WWOX: variants seen among roughly 807,000 people sequenced by gnomAD.
WWOX encodes WW domain-containing oxidoreductase.
A neutral mutation model predicts 46.2 loss-of-function variants in WWOX; 69 were observed. The ratio of observed to expected loss-of-function variants is 1.49; its 90% CI spans 1.23 to 1.82. The LOEUF is 1.82. Ranked by LOEUF, WWOX falls within the 40% of genes most tolerant of loss-of-function variation. The pLI is 0.00. For missense variants in WWOX, 919 were observed against 542.6 expected, an observed-to-expected ratio of 1.69 and a Z score of -6.89; for synonymous variants, 359 against 202.6, an observed-to-expected ratio of 1.77 and a Z score of -6.56.
In WWOX at chr16:78,705,413, C is replaced by T. The variant is rs573674699; in HGVS notation, c.1056+272661C>T. ...GGGAGAATATAAAAACAAGCCAAGG[C>T]GAAAGTGGCTGTAAAAATGCGTTGT... is the stretch of plus-strand genomic sequence containing the variant. On this transcript the variant is annotated intron_variant, in intron 8 of 8. Coordinates refer to ENST00000566780, the MANE Select transcript of WWOX (RefSeq NM_016373.4). Among the ~76,000 whole-genome samples, 7 of 152,246 alleles carry T rather than the reference C, an allele frequency of 4.6e-5. No individual in the cohort carries two copies. In the South Asian group the frequency reaches 8.3e-4, roughly 18 times the overall value.
At position 78,968,095 on chromosome 16, in the gene WWOX, ATGGCACAGCGCG is replaced by A. The variant is rs1567446009; in HGVS notation, c.1057-243509_1057-243498del. 5.5e-4 allele frequency among the ~76,000 whole-genome samples: 72 copies of A among 130,628 alleles called. 1 individual carries two copies. The highest frequency in any genetic ancestry group is 1.7e-3 in the African/African-American group (55 of 33,098). The allele number at this position is 130,628 out of a possible 152,430, so 85.7% of individuals were successfully genotyped here. ...CTGTATGGCACAGTGCATGGTCCGC[ATGGCACAGCGCG>A]TGGTCCGCGTGGCACAGCGCGTGGT... On this transcript the variant is annotated intron_variant, in intron 8 of 8. Transcript: ENST00000566780.
intron 8 of WWOX, among the ~76,000 whole-genome samples, chr16:79,160,886 CAT>C (rs1310250044): frequency 7.6e-5 from 2 of 26,466 alleles, no homozygotes; most frequent in Non-Finnish European, 1.2e-4. Flanking sequence ...TGTACATACA[CAT>C]ATACATATAC....
chr16:78,930,953 A>C (rs953405634), intron 8 of WWOX, among the ~76,000 whole-genome samples: 2 of 152,128 alleles, frequency 1.3e-5, no homozygotes, highest in African/African-American at 4.8e-5. Flanking sequence ...ACCCTTATGA[A>C]CCTGGACATG....
chr16:78,177,126 A>G (rs541159550), intron 5 of WWOX, among the ~76,000 whole-genome samples: 2 of 152,348 alleles, frequency 1.3e-5, no homozygotes, highest in African/African-American at 4.8e-5. Context: ...GCATGGCTCA[A>G]CAGTTCTCAT....
intron 8 of WWOX, among the ~76,000 whole-genome samples, chr16:78,646,114 C>G (rs895585416): frequency 2.0e-5 from 3 of 152,196 alleles, no homozygotes; most frequent in Non-Finnish European, 4.4e-5. Flanking sequence ...CATCCCTCTA[C>G]AAAGTCCCAT....
chr16:78,472,345 C>G (rs1190064144), intron 8 of WWOX, among the ~76,000 whole-genome samples: 1 of 152,078 alleles, frequency 6.6e-6, no homozygotes, highest in African/African-American at 2.4e-5. Flanking sequence ...TTCTGAAAGC[C>G]CTTGTTCATT....
intron 8 of WWOX, among the ~76,000 whole-genome samples, chr16:79,209,269 T>C (rs533332087): frequency 6.6e-6 from 1 of 152,198 alleles, no homozygotes; most frequent in Admixed American, 6.5e-5. Context: ...CCTGCAACAA[T>C]GGCATTCTGA....
Position 78,100,705 on chromosome 16 carries a change from A to G in WWOX, c.107+820A>G, listed in dbSNP as rs2031717696. Reference sequence around the variant, plus strand: ...TTTTTCACCTGTAAAATGGGTTGATACGAGGGTCAGTTCAGGCACTGTGCG... The same window carrying G: ...TTTTTCACCTGTAAAATGGGTTGATGCGAGGGTCAGTTCAGGCACTGTGCG... On this transcript the variant is annotated intron_variant, in intron 1 of 8. Transcript: ENST00000566780. 2.0e-5 allele frequency among the ~76,000 whole-genome samples: 3 copies of G among 152,226 alleles called. No individual in the cohort carries two copies. The South Asian group carries it at 6.2e-4, about 31-fold the overall frequency.
intron 5 of WWOX, among the ~76,000 whole-genome samples, chr16:78,313,208 C>T (rs894638503): frequency 6.6e-6 from 1 of 152,162 alleles, no homozygotes; most frequent in Admixed American, 6.5e-5. Flanking sequence ...AGGGCTCTTC[C>T]ACTTGCTAGC....
intron 1 of WWOX, among the ~76,000 whole-genome samples, chr16:78,107,742 G>C (rs1597206656): frequency 6.6e-6 from 1 of 152,170 alleles, no homozygotes; most frequent in South Asian, 2.1e-4. Flanking sequence ...GGCTGAAATA[G>C]GAGGGTTACT....
chr16:78,705,644 C>G (rs1262143461), intron 8 of WWOX, among the ~76,000 whole-genome samples: 1 of 152,170 alleles, frequency 6.6e-6, no homozygotes, highest in Non-Finnish European at 1.5e-5. Flanking sequence ...GATGTTGTAG[C>G]TGTATGATCA....
At chr16:78,939,082 G>A (rs756159816) in intron 8 of WWOX, among the ~76,000 whole-genome samples, 13 of 152,190 alleles carry the variant, frequency 8.5e-5, no homozygotes, top group Non-Finnish European at 1.6e-4. Context: ...AGCCACAGGA[G>A]GGCTTTAGAC....
At chr16:79,149,379 C>A (rs74035082) in intron 8 of WWOX, among the ~76,000 whole-genome samples, 4,227 of 152,234 alleles carry the variant, frequency 0.028, 217 homozygotes, top group African/African-American at 0.097. Context: ...TGGAATAAAT[C>A]CCACTTGGTC....
chr16:79,042,911 G>A (rs572523162), intron 8 of WWOX, among the ~76,000 whole-genome samples: 3 of 152,250 alleles, frequency 2.0e-5, no homozygotes, highest in African/African-American at 7.2e-5. Context: ...TTTAAGTGAT[G>A]CGTCAGAATT....
chr16:78,948,651 G>A (rs1336411143), intron 8 of WWOX, among the ~76,000 whole-genome samples: 1 of 152,086 alleles, frequency 6.6e-6, no homozygotes, highest in African/African-American at 2.4e-5. Context: ...CTCGAAAAGA[G>A]GTTCCAGCAG....
In WWOX at chr16:78,823,338, C is replaced by T. The variant is rs899205107; in HGVS notation, c.1057-388270C>T. On this transcript the variant is annotated intron_variant, in intron 8 of 8. Coordinates refer to ENST00000566780, the MANE Select transcript of WWOX (RefSeq NM_016373.4). ...TTGATGATCACATTATTGTGTCAGCCGCCTGTGTGAATAAGGAAGGACAGA... is the reference window on the plus strand; with the variant it reads ...TTGATGATCACATTATTGTGTCAGCTGCCTGTGTGAATAAGGAAGGACAGA... 7.9e-5 allele frequency among the ~76,000 whole-genome samples: 12 copies of T among 152,190 alleles called. No homozygotes were observed. The East Asian group carries it at 9.7e-4, about 12-fold the overall frequency.
intron 8 of WWOX, among the ~76,000 whole-genome samples, chr16:79,056,825 T>C (rs1249707489): frequency 1.3e-5 from 2 of 152,240 alleles, no homozygotes; most frequent in South Asian, 4.1e-4. Context: ...AGGACAAATA[T>C]CTGCTTCTTC....
chr16:78,443,847 C>G (rs1027034338), intron 8 of WWOX, among the ~76,000 whole-genome samples: 1 of 152,016 alleles, frequency 6.6e-6, no homozygotes, highest in Non-Finnish European at 1.5e-5. Flanking sequence ...CTTTCAGTTT[C>G]CTTTTCTCCA....
intron 8 of WWOX, among the ~76,000 whole-genome samples, chr16:78,943,144 T>A (rs890449982): frequency 6.6e-6 from 1 of 152,160 alleles, no homozygotes; most frequent in African/African-American, 2.4e-5. Context: ...ACATGGTGGG[T>A]TCTTAAATAA....
Sources: gnomAD v4.1 joint callset for allele counts (sites outside exome capture counted in the v4.1 genomes callset) on GRCh38, gnomAD v4.1.1 for gene constraint, MANE v1.5 for transcripts, NCBI Gene and HGNC (gene_info 2026-07-23, HGNC 2026-07-21) for gene names.